LRP8: variants seen among roughly 807,000 people sequenced by gnomAD.
LRP8 encodes LDL receptor related protein 8.
LRP8 carries 46 observed loss-of-function variants against 111.6 expected under a neutral mutation model. That is an observed-to-expected ratio of 0.41 (90% CI 0.33 to 0.53). The LOEUF (loss-of-function observed/expected upper bound fraction) is 0.53, where lower values mean the gene tolerates loss of function less well. Ranked by LOEUF, LRP8 falls within the 20% of genes least tolerant of loss-of-function variation. The pLI is 0.20. For synonymous variants in LRP8, 464 were observed against 511.2 expected (o/e 0.91, Z 1.24); for missense variants, 959 against 1,297.4 (o/e 0.74, Z 4.01).
In LRP8 at chr1:53,294,911, T is replaced by A. The variant is rs1407197691; in HGVS notation, c.245-5222A>T. ...CAGAGAGAAGGCTCCAAAATAAAGA[T>A]TAGTCCGGGCTGCCCAGGGGCACTG... On this transcript the variant is annotated intron_variant, in intron 2 of 18. Transcript: ENST00000306052. This position sits in a 1 kb window ranked among gnomAD's most constrained non-coding sequence, Gnocchi z 4.1. 6.6e-6 allele frequency among the ~76,000 whole-genome samples: 1 copy of A among 152,200 alleles called. No individual in the cohort carries two copies. Among genetic ancestry groups the A allele is most frequent in the Non-Finnish European group, 1.5e-5 (1 of 68,032 alleles).
At position 53,326,954 on chromosome 1, in the gene LRP8, G is replaced by C. The variant is rs115158626; in HGVS notation, c.163C>G (p.Arg55Gly). The C allele has an allele frequency of 1.2e-6, 2 of 1,613,838 alleles. No homozygotes were observed. The highest frequency in any genetic ancestry group is 1.7e-6 in the Non-Finnish European group (2 of 1,179,992). The stretch of plus-strand genomic sequence containing the variant: ...ACAGAGGGGATGCAGCGCTCGTTCC[G>C]GCACTGGAATTGGTCCTTTTCGCAA... ...KDCEKDQFQC[R>G]NERCIPSVWR... Residue 55 changes from arginine to glycine, a missense_variant, in exon 2 of 19, where the codon CGG becomes GGG. Transcript: ENST00000306052.
chr1:53,250,906 C>A lies in LRP8; in HGVS notation c.2504-44G>T. The A allele has an allele frequency of 1.3e-6, 2 of 1,563,768 alleles. No homozygotes were observed. On this transcript the variant is annotated intron_variant, in intron 16 of 18. Transcript: ENST00000306052. The surrounding 1 kb of genome is among the most constrained non-coding windows in gnomAD (Gnocchi z 4.6). ...ACACTGGACCTCCAGCAGGCTCCAA[C>A]CCACTGCTCAGACATCTGTACAAGG... is the stretch of plus-strand genomic sequence containing the variant.
At chr1:53,286,898 T>C (rs750146629) in intron 3 of LRP8, among the ~76,000 whole-genome samples, 6 of 152,282 alleles carry the variant, frequency 3.9e-5, no homozygotes, top group African/African-American at 9.6e-5. Flanking sequence ...CCAGCGATGA[T>C]ACTTGCATTC....
At chr1:53,301,487 C>T (rs748101499) in intron 2 of LRP8, among the ~76,000 whole-genome samples, 15 of 152,086 alleles carry the variant, frequency 9.9e-5, no homozygotes, top group Non-Finnish European at 1.8e-4. Context: ...TTTGGGAGGC[C>T]AAGGCAGGCA....
At chr1:53,304,584 G>A (rs1651603115) in intron 2 of LRP8, 1 of 152,288 alleles carries the variant, frequency 6.6e-6, no homozygotes, top group South Asian at 2.1e-4. Context: ...GGCCAACTGT[G>A]CGTGAGGGAC....
At chr1:53,258,859 T>G (rs1264028831) in intron 13 of LRP8, among the ~76,000 whole-genome samples, 2 of 152,198 alleles carry the variant, frequency 1.3e-5, no homozygotes, top group African/African-American at 4.8e-5. Context: ...CCCTGTGTAC[T>G]CATAGCTTAG....
intron 2 of LRP8, among the ~76,000 whole-genome samples, chr1:53,299,679 G>A (rs764587109): frequency 1.3e-5 from 2 of 152,238 alleles, no homozygotes; most frequent in East Asian, 1.9e-4. Flanking sequence ...CTGTGATATC[G>A]CTGAGGCCTG....
At chr1:53,285,920 G>GT (rs1361119214) in intron 3 of LRP8, among the ~76,000 whole-genome samples, 1 of 152,192 alleles carries the variant, frequency 6.6e-6, no homozygotes, top group African/African-American at 2.4e-5. Flanking sequence ...ATGAAACTCT[G>GT]TATCCTGGAG....
intron 2 of LRP8, among the ~76,000 whole-genome samples, chr1:53,291,208 C>T (rs1409484152): frequency 6.6e-6 from 1 of 152,068 alleles, no homozygotes; most frequent in East Asian, 1.9e-4. Context: ...CCAGGAGGCC[C>T]AGAAATGAAG....
intron 2 of LRP8, among the ~76,000 whole-genome samples, chr1:53,299,255 C>T (rs952526200): frequency 2.6e-5 from 4 of 152,188 alleles, no homozygotes; most frequent in African/African-American, 9.7e-5. Context: ...AGGCAGGGCA[C>T]TCAGGCCTCT....
At chr1:53,247,748 C>T (rs942274561) in intron 18 of LRP8, among the ~76,000 whole-genome samples, 1 of 152,188 alleles carries the variant, frequency 6.6e-6, no homozygotes, top group Non-Finnish European at 1.5e-5. Context: ...TCTGACATTC[C>T]CTGATTCCAT....
At chr1:53,273,971 A>AAAAAAC (rs1447506575) in intron 6 of LRP8, among the ~76,000 whole-genome samples, 1 of 151,712 alleles carries the variant, frequency 6.6e-6, no homozygotes, top group Non-Finnish European at 1.5e-5. Flanking sequence ...CAGTAAAAAC[A>AAAAAAC]AAAAACAAAA....
intron 2 of LRP8, chr1:53,292,268 G>C (rs1031024925): frequency 6.6e-6 from 1 of 152,224 alleles, no homozygotes; most frequent in Non-Finnish European, 1.5e-5. Flanking sequence ...ACTTTGCTTA[G>C]AAGAATGCCT....
rs1645836218 is a variant in LRP8, at chr1:53,249,690, C to T, written c.2677-134G>A. On this transcript the variant is annotated intron_variant, in intron 17 of 18. Coordinates refer to ENST00000306052, the MANE Select transcript of LRP8 (RefSeq NM_004631.5). This position sits in a 1 kb window ranked among gnomAD's most constrained non-coding sequence, Gnocchi z 4.1. ...AAAAAGCCATGCTGTGTTGTACCTT[C>T]AAGCCTTTGCACATGCCTCTATCTG... The T allele has an allele frequency of 7.8e-7, 1 of 1,285,666 alleles. No individual in the cohort carries two copies. The allele number at this position is 1,285,666 out of a possible 1,614,324, so 79.6% of individuals were successfully genotyped here.
rs769641206 is a variant in LRP8 at position 53,250,705 on chromosome 1, G to A, written c.2661C>T (p.Gly887=). ...ELHIGRTAQI[G]HVYPAAISSF... Reference sequence around the variant, plus strand: ...AAATACTTACTGCAGGATAGACATGGCCAATCTGAGCAGTTCTCCCTATAT... The same window carrying A: ...AAATACTTACTGCAGGATAGACATGACCAATCTGAGCAGTTCTCCCTATAT... The change falls in exon 17 of 19, where the codon GGC becomes GGT. Residue 887 remains glycine (G), a synonymous_variant. Transcript: ENST00000306052. The surrounding 1 kb of genome is among the most constrained non-coding windows in gnomAD (Gnocchi z 4.6). 1 of 1,613,942 alleles carries A rather than the reference G, an allele frequency of 6.2e-7. No homozygotes were observed. The highest frequency in any genetic ancestry group is 8.5e-7 in the Non-Finnish European group (1 of 1,179,858).
At chr1:53,289,456 G>T in intron 3 of LRP8, 111 bp downstream of exon 3, 1 of 1,417,210 alleles carries the variant, frequency 7.1e-7, no homozygotes. Context: ...CCCTGAGTGC[G>T]TGGCACAGAA....
chr1:53,253,379 G>T (rs1645960304), intron 16 of LRP8, among the ~76,000 whole-genome samples: 1 of 152,060 alleles, frequency 6.6e-6, no homozygotes, highest in Admixed American at 6.6e-5. Flanking sequence ...TATTTGTCAT[G>T]TATAAATATT....
Position 53,276,698 on chromosome 1 carries a change from C to G in LRP8, c.877G>C (p.Asp293His), listed in dbSNP as rs1207216814. 6.5e-7 allele frequency: 1 copy of G among 1,537,654 alleles called. No individual in the cohort carries two copies. The highest frequency in any genetic ancestry group is 8.7e-7 in the Non-Finnish European group (1 of 1,145,726). The change falls in exon 5 of 19, where the codon GAC (aspartate) becomes CAC (histidine). Residue 293 changes from aspartate (D) to histidine (H), a missense_variant. This residue lies in a region of LRP8 where 819 missense variants were observed against 1,097.6 expected (regional missense o/e 0.75). Transcript: ENST00000306052. ...RDCKDKSDEA[D>H]CPLGTCRGDE... is the part of the protein sequence containing the mutation. ...CGGTATGGAGGGGGCTTACGGCAGT[C>G]GGCCTCGTCCGATTTGTCTTTGCAG...
At chr1:53,298,550 C>G (rs1358355350) in intron 2 of LRP8, among the ~76,000 whole-genome samples, 1 of 152,190 alleles carries the variant, frequency 6.6e-6, no homozygotes, top group Non-Finnish European at 1.5e-5. Context: ...TTGTGGGTTC[C>G]AGAGAAACAG....
Sources: gnomAD v4.1 joint callset for allele counts (sites outside exome capture counted in the v4.1 genomes callset) on GRCh38, gnomAD v4.1.1 for gene constraint, gnomAD v4.1.1 regional missense constraint, Gnocchi (gnomAD v3.1) non-coding constraint, MANE v1.5 for transcripts, NCBI Gene and HGNC (gene_info 2026-07-23, HGNC 2026-07-21) for gene names.